CETN3: variants seen among roughly 807,000 people sequenced by gnomAD.
CETN3 encodes the protein centrin-3.
In CETN3, 17 loss-of-function variants were observed where a neutral mutation model predicts 20.1. The observed-to-expected ratio is 0.85, with a 90% CI of 0.58 to 1.27. CETN3 has a LOEUF of 1.27. Ranked by LOEUF, CETN3 falls within the 50% of genes most tolerant of loss-of-function variation. The probability of loss-of-function intolerance (pLI) is 0.00; values close to 1 mark genes in which losing one functional copy is unlikely to be tolerated. For missense variants in CETN3, 169 were observed against 191.2 expected (o/e 0.88, Z 0.69); for synonymous variants, 52 against 59.7 (o/e 0.87, Z 0.59).
intron 4 of CETN3, among the ~76,000 whole-genome samples, chr5:90,395,524 A>G (rs553526877): frequency 3.3e-5 from 5 of 152,232 alleles, no homozygotes; most frequent in Admixed American, 6.5e-5. Context: ...GGTAGAGATT[A>G]GGTTTCACCA....
Position 90,399,460 on chromosome 5 carries a change from A to C in CETN3, c.358T>G (p.Leu120Val). 1 of 1,613,980 alleles carries C rather than the reference A, an allele frequency of 6.2e-7. No individual in the cohort carries two copies. Among genetic ancestry groups the C allele is most frequent in the Non-Finnish European group, 8.5e-7 (1 of 1,179,920 alleles). The change falls in exon 4 of 5, where the codon TTG becomes GTG. Residue 120 changes from leucine to valine, a missense_variant. Coordinates refer to ENST00000283122, the MANE Select transcript of CETN3 (RefSeq NM_004365.4). ...CTAGCAACACGTCGCAAATTCCTCA[A>C]GCTTATTTTACCTGAATCATCATCA... ...FDDDDSGKIS[L>V]RNLRRVAREL...
intron 3 of CETN3, among the ~76,000 whole-genome samples, chr5:90,400,327 T>C (rs959493191): frequency 2.0e-5 from 3 of 149,558 alleles, no homozygotes; most frequent in Non-Finnish European, 4.5e-5. Context: ...TTTAATACAC[T>C]AAATATAATC....
intron 3 of CETN3, among the ~76,000 whole-genome samples, chr5:90,401,949 A>C (rs1469948599): frequency 6.6e-6 from 1 of 152,192 alleles, no homozygotes; most frequent in Non-Finnish European, 1.5e-5. Context: ...CCTGGGCTCA[A>C]GCAATCTTCC....
At chr5:90,408,991 T>C (rs991195021) in intron 1 of CETN3, among the ~76,000 whole-genome samples, 5 of 152,196 alleles carry the variant, frequency 3.3e-5, no homozygotes, top group Non-Finnish European at 5.9e-5. Context: ...GGTACCATGA[T>C]TATCCCTTAG....
Position 90,393,956 on chromosome 5 carries a change from T to C in CETN3, c.*108A>G. On this transcript the variant is annotated 3_prime_UTR_variant, in exon 5 of 5. Transcript: ENST00000283122. Reference sequence around the variant, plus strand: ...AGATATATAAGATGCTTATTTTTGGTCCTTTAGGATAAAAGAACTAAGTTG... The same window carrying C: ...AGATATATAAGATGCTTATTTTTGGCCCTTTAGGATAAAAGAACTAAGTTG... 1.3e-6 allele frequency: 1 copy of C among 745,028 alleles called. No individual in the cohort carries two copies. The highest frequency in any genetic ancestry group is 2.3e-6 in the Non-Finnish European group (1 of 432,462). The allele number at this position is 745,028 out of a possible 1,614,324, so 46.2% of individuals were successfully genotyped here.
chr5:90,403,524 G>T lies in CETN3; in HGVS notation c.268+2161C>A, dbSNP rs1464604663. 2.0e-5 allele frequency among the ~76,000 whole-genome samples: 3 copies of T among 152,234 alleles called. No homozygotes were observed. The South Asian group carries it at 6.2e-4, about 32-fold the overall frequency. On this transcript the variant is annotated intron_variant, in intron 3 of 4. Transcript: ENST00000283122. Reference sequence around the variant, plus strand: ...CTGTTAATAACATAGAACAGATGGGGTGTCAGGAAAAAGTGGAGGTGGCAT... The same window carrying T: ...CTGTTAATAACATAGAACAGATGGGTTGTCAGGAAAAAGTGGAGGTGGCAT...
At chr5:90,407,258 T>C (rs1388280316) in intron 2 of CETN3, among the ~76,000 whole-genome samples, 1 of 152,084 alleles carries the variant, frequency 6.6e-6, no homozygotes, top group African/African-American at 2.4e-5. Flanking sequence ...CTAAAGTTGT[T>C]TGCACCAGAG....
rs1239363636 is a variant in CETN3, at chr5:90,393,500, A to G, written c.*564T>C. ...TCTAAACTCAAAGACAGGACTCTTA[A>G]AAAAGGAATTAGGCTTATATTGAGT... On this transcript the variant is annotated 3_prime_UTR_variant, in exon 5 of 5. Transcript: ENST00000283122. 6.6e-6 allele frequency: 1 copy of G among 152,214 alleles called. No individual in the cohort carries two copies. Among genetic ancestry groups the G allele is most frequent in the Non-Finnish European group, 1.5e-5 (1 of 68,060 alleles). 9.4% of individuals were successfully genotyped at this position (152,214 alleles called of 1,614,324 possible).
intron 4 of CETN3, chr5:90,395,656 T>A (rs964914005): frequency 6.1e-6 from 1 of 165,088 alleles, no homozygotes; most frequent in Non-Finnish European, 1.3e-5. Context: ...TCTTGATATA[T>A]GAAATTTATT....
At chr5:90,396,668 T>G in intron 4 of CETN3, 1 of 769,288 alleles carries the variant, frequency 1.3e-6, no homozygotes, top group Non-Finnish European at 1.9e-6. Flanking sequence ...ATCCAAAAAG[T>G]ACTTGTTACT....
At chr5:90,395,949 T>C (rs1237622988) in intron 4 of CETN3, 4 of 925,876 alleles carry the variant, frequency 4.3e-6, no homozygotes, top group Non-Finnish European at 5.2e-6. Context: ...GTTTTTATAC[T>C]TGAAACAGAA....
rs114170610 is a variant in CETN3 at position 90,405,101 on chromosome 5, C to T, written c.268+584G>A. Among the ~76,000 whole-genome samples the T allele has an allele frequency of 9.9e-3, 1,503 of 152,272 alleles. 30 individuals are homozygous for T. Among genetic ancestry groups the T allele is most frequent in the African/African-American group, 0.034 (1,424 of 41,560 alleles). On this transcript the variant is annotated intron_variant, in intron 3 of 4. Transcript: ENST00000283122. ...GGTGGTACTAGGATGTTTTCTCCTGCTTCCAGTATGCCCACTGCCTCCTTT... is the reference window on the plus strand; with the variant it reads ...GGTGGTACTAGGATGTTTTCTCCTGTTTCCAGTATGCCCACTGCCTCCTTT...
chr5:90,394,090 T>C lies in CETN3; in HGVS notation c.478A>G (p.Ile160Val), dbSNP rs1307963899. 1.3e-6 allele frequency: 2 copies of C among 1,554,794 alleles called. No homozygotes were observed. Among genetic ancestry groups the C allele is most frequent in the Non-Finnish European group, 1.8e-6 (2 of 1,134,728 alleles). Residue 160 changes from isoleucine (I) to valine (V), a missense_variant, in exon 5 of 5, where the codon ATT (isoleucine) becomes GTT (valine). By Grantham distance (29) the Ile-to-Val change is conservative. Transcript: ENST00000283122. ...TAAATGTCACCAGTCATAATAGCAA[T>C]GAACTCCTCTTGGTTTACTGTGGTA... ...GDGEINQEEF[I>V]AIMTGDI
chr5:90,403,427 G>A (rs1205212063), intron 3 of CETN3, among the ~76,000 whole-genome samples: 1 of 152,142 alleles, frequency 6.6e-6, no homozygotes, highest in African/African-American at 2.4e-5. Context: ...CTGTCAAAAG[G>A]TTAATCTTTT....
At chr5:90,399,311 G>T in intron 4 of CETN3, 47 bp downstream of exon 4, 1 of 1,569,350 alleles carries the variant, frequency 6.4e-7, no homozygotes, top group African/African-American at 1.3e-5. Context: ...TGTATTACAT[G>T]TGTAGCATCA....
chr5:90,406,151 AAC>A (rs1274110996), intron 2 of CETN3, among the ~76,000 whole-genome samples: 2 of 152,142 alleles, frequency 1.3e-5, no homozygotes, highest in South Asian at 2.1e-4. Context: ...ATAAATATTA[AAC>A]AGTTACATGA....
At chr5:90,409,453 C>A (rs1003574648) in intron 1 of CETN3, among the ~76,000 whole-genome samples, 192 bp downstream of exon 1, 1 of 152,230 alleles carries the variant, frequency 6.6e-6, no homozygotes, top group African/African-American at 2.4e-5. Context: ...CAGAAATGCA[C>A]TGGTCTCGTT....
intron 3 of CETN3, 159 bp downstream of exon 3, chr5:90,405,526 G>GAA (rs376256891): frequency 5.4e-6 from 3 of 550,822 alleles, no homozygotes; most frequent in Admixed American, 3.7e-5. Context: ...TTTTTTCTTT[G>GAA]AAAAAAAAAC....
intron 1 of CETN3, 128 bp downstream of exon 1, chr5:90,409,517 G>C (rs1349888825): frequency 2.7e-6 from 3 of 1,100,100 alleles, no homozygotes. Context: ...GCTGCCCTAG[G>C]CTCCTTTCCC....
Sources: allele counts gnomAD v4.1 joint callset (sites outside exome capture counted in the v4.1 genomes callset), GRCh38; gene constraint gnomAD v4.1.1; transcripts MANE v1.5; gene names NCBI Gene and HGNC (gene_info 2026-07-23, HGNC 2026-07-21).